The following TGS1 variants were observed in gnomAD, a reference collection of about 807,000 sequenced individuals.
The protein encoded by TGS1 is trimethylguanosine synthase 1.
Under a neutral mutation model 92.2 loss-of-function variants are expected in TGS1, and 69 were observed. The observed-to-expected ratio is 0.75, with a 90% CI of 0.62 to 0.91. The LOEUF (loss-of-function observed/expected upper bound fraction) is 0.91, where lower values mean the gene tolerates loss of function less well. Ranked by LOEUF, TGS1 falls within the 40% of genes least tolerant of loss-of-function variation. TGS1 has a pLI of 0.00. For synonymous variants in TGS1, 345 were observed against 338.1 expected, an observed-to-expected ratio of 1.02 and a Z score of -0.22; for missense variants, 1,062 against 1,001.2, an observed-to-expected ratio of 1.06 and a Z score of -0.82.
intron 4 of TGS1, 28 bp from the exon 5 acceptor site, chr8:55,790,154 A>G (rs745796643): frequency 1.3e-6 from 2 of 1,551,606 alleles, no homozygotes; most frequent in Non-Finnish European, 1.8e-6. Context: ...AAGGGGGAAA[A>G]GCTACTGCAA....
chr8:55,826,005 C>A lies in TGS1; in HGVS notation c.*1302C>A, dbSNP rs1803785145. 6.6e-6 allele frequency among the ~76,000 whole-genome samples: 1 copy of A among 151,854 alleles called. No homozygotes were observed. The highest frequency in any genetic ancestry group is 2.4e-5 in the African/African-American group (1 of 41,236). The stretch of plus-strand genomic sequence containing the variant: ...AGCTGGGACTACAGGCACCTGCCAC[C>A]ACATCCAGCTAATTTTTTATATTTT... On this transcript the variant is annotated 3_prime_UTR_variant, in exon 13 of 13. Coordinates refer to ENST00000260129, the MANE Select transcript of TGS1 (RefSeq NM_024831.8).
chr8:55,778,232 G>A (rs571527715), intron 1 of TGS1, among the ~76,000 whole-genome samples: 109 of 152,188 alleles, frequency 7.2e-4, no homozygotes, highest in Non-Finnish European at 1.4e-3. Context: ...TCCAATCCGG[G>A]TGACAGAATG....
chr8:55,795,844 T>C (rs1042695395), intron 6 of TGS1, 134 bp from the exon 7 acceptor site: 4 of 730,422 alleles, frequency 5.5e-6, no homozygotes, highest in Middle Eastern at 3.8e-4. Flanking sequence ...CTTGATTTTA[T>C]CATTTTCATA....
intron 4 of TGS1, among the ~76,000 whole-genome samples, chr8:55,788,649 A>G (rs541958954): frequency 6.6e-6 from 1 of 151,928 alleles, no homozygotes; most frequent in South Asian, 2.1e-4. Flanking sequence ...TTTTTAGTAG[A>G]TACGGGGTTT....
intron 5 of TGS1, 26 bp downstream of exon 5, chr8:55,790,325 C>T (rs1224815068): frequency 6.8e-7 from 1 of 1,479,934 alleles, no homozygotes; most frequent in East Asian, 2.3e-5. Flanking sequence ...CCCCTCTCAC[C>T]AGAGCGTGTT....
chr8:55,779,092 T>C (rs918094528), intron 1 of TGS1, among the ~76,000 whole-genome samples: 7 of 152,166 alleles, frequency 4.6e-5, no homozygotes, highest in Admixed American at 6.5e-5. Flanking sequence ...TTACAACAAA[T>C]CTTCTATTTT....
In TGS1 at chr8:55,810,958, A is replaced by G. The variant is rs778662553; in HGVS notation, c.2221A>G (p.Ile741Val). 8.1e-6 allele frequency: 13 copies of G among 1,614,038 alleles called. No individual in the cohort carries two copies. The East Asian group carries it at 1.6e-4, about 19-fold the overall frequency. Residue 741 changes from isoleucine to valine, a missense_variant, in exon 11 of 13, where the codon ATA becomes GTA. Physicochemically the swap from Ile to Val is conservative, Grantham distance 29 (BLOSUM62 3). Transcript: ENST00000260129. ...NAEVYGIADK[I>V]EFICGDFLLL... The stretch of plus-strand genomic sequence containing the variant: ...AGAAGTTTATGGGATAGCAGATAAG[A>G]TAGAGTTCATCTGTGGAGATTTCTT...
chr8:55,814,223 T>A (rs1803411177), intron 12 of TGS1, among the ~76,000 whole-genome samples: 1 of 152,024 alleles, frequency 6.6e-6, no homozygotes, highest in Non-Finnish European at 1.5e-5. Context: ...GCTGGGATTA[T>A]AGGTGTGAGC....
intron 2 of TGS1, among the ~76,000 whole-genome samples, chr8:55,784,735 C>T (rs1338373143): frequency 1.3e-5 from 2 of 152,128 alleles, no homozygotes; most frequent in African/African-American, 2.4e-5. Flanking sequence ...GCTTCTCACC[C>T]GCTCTTGTTA....
chr8:55,781,771 A>G (rs1811570257), intron 1 of TGS1, among the ~76,000 whole-genome samples: 1 of 152,232 alleles, frequency 6.6e-6, no homozygotes, highest in Non-Finnish European at 1.5e-5. Context: ...GTACACTAGA[A>G]TTTTATTTAG....
At position 55,813,087 on chromosome 8, in the gene TGS1, A is replaced by ATT; in HGVS notation, c.2411_2412dup (p.Leu805PhefsTer14). 1 of 1,610,938 alleles carries ATT rather than the reference A, an allele frequency of 6.2e-7. No individual in the cohort carries two copies. The highest frequency in any genetic ancestry group is 8.5e-7 in the Non-Finnish European group (1 of 1,178,072). On this transcript the variant is annotated frameshift_variant, in exon 12 of 13. Coordinates refer to ENST00000260129, the MANE Select transcript of TGS1 (RefSeq NM_024831.8). LOFTEE classifies it high-confidence loss of function. ...AAGAAGATCACTAATAATATTGTTT[A>ATT]TTTTCTTCCAAGAAATGCTGATATT...
At chr8:55,818,665 A>C (rs1383862583) in intron 12 of TGS1, among the ~76,000 whole-genome samples, 1 of 152,180 alleles carries the variant, frequency 6.6e-6, no homozygotes, top group Admixed American at 6.6e-5. Flanking sequence ...CTCATAGTTG[A>C]CTTGGGAAGA....
At chr8:55,804,653 C>T (rs1812312738) in intron 9 of TGS1, among the ~76,000 whole-genome samples, 1 of 152,100 alleles carries the variant, frequency 6.6e-6, no homozygotes, top group African/African-American at 2.4e-5. Context: ...TGGAGGTATA[C>T]AGTATTACAA....
chr8:55,782,574 C>G (rs1811596912), intron 1 of TGS1, among the ~76,000 whole-genome samples, 174 bp from the exon 2 acceptor site: 1 of 152,220 alleles, frequency 6.6e-6, no homozygotes, highest in South Asian at 2.1e-4. Flanking sequence ...CTTACAACAA[C>G]TCCATGACAA....
At chr8:55,801,126 G>A (rs1038571574) in intron 8 of TGS1, among the ~76,000 whole-genome samples, 3 of 152,208 alleles carry the variant, frequency 2.0e-5, no homozygotes, top group African/African-American at 4.8e-5. Flanking sequence ...TGATAGAAAG[G>A]AAATGTTTAG....
At chr8:55,808,003 G>A (rs1803226155) in intron 10 of TGS1, among the ~76,000 whole-genome samples, 1 of 152,208 alleles carries the variant, frequency 6.6e-6, no homozygotes, top group South Asian at 2.1e-4. Context: ...GCACGTAGTA[G>A]CTGTAGAAAA....
At chr8:55,784,363 T>C (rs529245376) in intron 2 of TGS1, among the ~76,000 whole-genome samples, 6 of 152,188 alleles carry the variant, frequency 3.9e-5, no homozygotes, top group African/African-American at 1.4e-4. Flanking sequence ...CAAACCTTTC[T>C]CTTTTTGAGA....
At chr8:55,788,598 G>A (rs1034149109) in intron 4 of TGS1, among the ~76,000 whole-genome samples, 2 of 151,892 alleles carry the variant, frequency 1.3e-5, no homozygotes, top group Admixed American at 6.6e-5. Context: ...TGGGACTACA[G>A]GTGTGTGCCA....
intron 10 of TGS1, 111 bp from the exon 11 acceptor site, chr8:55,810,770 C>CTT: frequency 1.1e-6 from 1 of 882,244 alleles, no homozygotes. Flanking sequence ...GTCTCCTCCT[C>CTT]TTTATAAAGA....
Sources: allele counts gnomAD v4.1 joint callset (sites outside exome capture counted in the v4.1 genomes callset), GRCh38; gene constraint gnomAD v4.1.1; transcripts MANE v1.5; gene names NCBI Gene and HGNC (gene_info 2026-07-23, HGNC 2026-07-21).